GTF2I: variants seen among roughly 807,000 people sequenced by gnomAD.
GTF2I encodes the protein general transcription factor IIi, also known as general transcription factor II-I.
In GTF2I, 12 loss-of-function variants were observed where a neutral mutation model predicts 67.6. The ratio of observed to expected loss-of-function variants is 0.18; its 90% confidence interval spans 0.11 to 0.29. The LOEUF (loss-of-function observed/expected upper bound fraction) is 0.29. Ranked by LOEUF, GTF2I falls within the 10% of genes least tolerant of loss-of-function variation. The pLI is 1.00. For synonymous variants in GTF2I, 149 were observed against 197.0 expected, an observed-to-expected ratio of 0.76 and a Z score of 2.04; for missense variants, 271 against 580.1, an observed-to-expected ratio of 0.47 and a Z score of 5.47.
intron 6 of GTF2I, among the ~76,000 whole-genome samples, chr7:74,703,102 T>C (rs1331449244): frequency 6.6e-6 from 1 of 152,148 alleles, no homozygotes. Flanking sequence ...CATTTAAAAA[T>C]TGGGTTTGTT....
intron 10 of GTF2I, 60 bp from the exon 11 acceptor site, chr7:74,716,834 C>G (rs1792325132): frequency 9.0e-7 from 1 of 1,114,780 alleles, no homozygotes; most frequent in Non-Finnish European, 1.3e-6. Flanking sequence ...CCTAGATTCT[C>G]TTTCATCTTT....
intron 1 of GTF2I, among the ~76,000 whole-genome samples, chr7:74,680,110 ATATATATG>A (rs1363940115): frequency 2.4e-5 from 3 of 124,694 alleles, no homozygotes; most frequent in African/African-American, 9.8e-5. Flanking sequence ...ATATATATAT[ATATATATG>A]TATGTATGTA....
intron 12 of GTF2I, among the ~76,000 whole-genome samples, chr7:74,720,193 A>C (rs1554404301): frequency 1.3e-5 from 2 of 152,218 alleles, no homozygotes; most frequent in African/African-American, 4.8e-5. Context: ...TTAAAATATT[A>C]CATATTCCAT....
At chr7:74,698,750 A>G (rs1378854172) in intron 3 of GTF2I, among the ~76,000 whole-genome samples, 4 of 152,082 alleles carry the variant, frequency 2.6e-5, no homozygotes, top group Non-Finnish European at 4.4e-5. Context: ...ATGACTTGCT[A>G]TTTTGTTACA....
chr7:74,711,146 T>C, intron 9 of GTF2I, 37 bp downstream of exon 9: 1 of 897,818 alleles, frequency 1.1e-6, no homozygotes, highest in Non-Finnish European at 1.7e-6. Flanking sequence ...TTCTAAAAAT[T>C]ATTCGTGGTT....
rs79676547 is a variant in GTF2I at position 74,719,122 on chromosome 7, T to C, written c.943+181T>C. On this transcript the variant is annotated intron_variant, in intron 12 of 34. Coordinates refer to ENST00000573035, the MANE Select transcript of GTF2I (RefSeq NM_032999.4). ...GCTTTGGGAGTTTTAGATGACAGAA[T>C]GAGGCCGTGAGAATTAGCATTGGCC... 4.0e-4 allele frequency among the ~76,000 whole-genome samples: 61 copies of C among 152,324 alleles called. No homozygotes were observed. In the East Asian group the frequency reaches 0.011, roughly 28 times the overall value.
At chr7:74,671,215 T>A (rs1289494047) in intron 1 of GTF2I, among the ~76,000 whole-genome samples, 2 of 149,858 alleles carry the variant, frequency 1.3e-5, no homozygotes, top group Non-Finnish European at 3.0e-5. Flanking sequence ...GCCTCCCGAG[T>A]AGCTGAGATT....
chr7:74,658,251 C>T (rs1468190672), intron 1 of GTF2I, among the ~76,000 whole-genome samples, 183 bp downstream of exon 1: 1 of 149,980 alleles, frequency 6.7e-6, no homozygotes, highest in Non-Finnish European at 1.5e-5. Flanking sequence ...CCTACCCCCA[C>T]CCCCACCGCC....
At chr7:74,667,004 G>C (rs1805041587) in intron 1 of GTF2I, among the ~76,000 whole-genome samples, 1 of 151,696 alleles carries the variant, frequency 6.6e-6, no homozygotes. Context: ...AATTAGCTAG[G>C]CGTGGTGGTG....
chr7:74,662,382 G>A (rs1186882622), intron 1 of GTF2I, among the ~76,000 whole-genome samples: 4 of 150,706 alleles, frequency 2.7e-5, no homozygotes, highest in African/African-American at 7.3e-5. Context: ...GGCTAACTTT[G>A]TATTTTTAGT....
At chr7:74,715,797 T>C (rs1036292475) in intron 10 of GTF2I, among the ~76,000 whole-genome samples, 19 of 151,990 alleles carry the variant, frequency 1.3e-4, no homozygotes, top group Admixed American at 5.9e-4. Flanking sequence ...TGGAAAAGAA[T>C]CCCCAGATAA....
At chr7:74,712,936 A>T (rs1554402904) in intron 9 of GTF2I, among the ~76,000 whole-genome samples, 1 of 152,086 alleles carries the variant, frequency 6.6e-6, no homozygotes, top group Non-Finnish European at 1.5e-5. Context: ...GCTTGGATAT[A>T]TTTCTCTGTG....
intron 3 of GTF2I, among the ~76,000 whole-genome samples, chr7:74,696,669 T>A (rs1290326774): frequency 6.6e-6 from 1 of 151,810 alleles, no homozygotes; most frequent in Non-Finnish European, 1.5e-5. Context: ...ATTTTTTGTA[T>A]TTTTTAGTAG....
At chr7:74,705,707 A>G (rs1053687165) in intron 7 of GTF2I, among the ~76,000 whole-genome samples, 1 of 151,958 alleles carries the variant, frequency 6.6e-6, no homozygotes, top group Non-Finnish European at 1.5e-5. Flanking sequence ...GACTACAAGC[A>G]TGTGCCACCA....
In GTF2I at chr7:74,658,503, G is replaced by A. The variant is rs587645074; in HGVS notation, c.-6+435G>A. 1.9e-3 allele frequency among the ~76,000 whole-genome samples: 279 copies of A among 148,438 alleles called. 2 individuals are homozygous for A. The highest frequency in any genetic ancestry group is 2.8e-3 in the Non-Finnish European group (184 of 66,714). On this transcript the variant is annotated intron_variant, in intron 1 of 34. Transcript: ENST00000573035. ...CCCCGCCGCGCTGATTGGCCGGCTA[G>A]GCGGTGCGGGGGCGCGCGCGGTGCC...
intron 6 of GTF2I, among the ~76,000 whole-genome samples, chr7:74,704,039 T>G (rs917786262): frequency 6.6e-6 from 1 of 152,178 alleles, no homozygotes; most frequent in African/African-American, 2.4e-5. Context: ...GCAATCTAAG[T>G]GCCTCTTATT....
At chr7:74,725,934 T>A (rs1216278521) in intron 12 of GTF2I, among the ~76,000 whole-genome samples, 6 of 152,062 alleles carry the variant, frequency 3.9e-5, no homozygotes, top group African/African-American at 1.4e-4. Context: ...AATGTTTGTG[T>A]GACTGAAAAA....
Position 74,657,729 on chromosome 7 carries a change from T to A in GTF2I, c.-345T>A, listed in dbSNP as rs1419538729. 1 of 136,596 alleles carries A rather than the reference T, an allele frequency of 7.3e-6. No homozygotes were observed. The highest frequency in any genetic ancestry group is 2.7e-5 in the African/African-American group (1 of 36,484). 8.5% of individuals were successfully genotyped at this position (136,596 alleles called of 1,614,324 possible). A position where few individuals can be genotyped will look rare whatever the true frequency, so the allele number is the denominator to read the frequency against. ...AGGAGGAGGAGGGTGAGAGAGAAGC[T>A]GGGAGAGCAGAGAAAAGGGGCCACC... On this transcript the variant is annotated 5_prime_UTR_variant, in exon 1 of 35. Transcript: ENST00000573035.
intron 1 of GTF2I, among the ~76,000 whole-genome samples, chr7:74,681,751 A>C (rs1787292617): frequency 6.6e-6 from 1 of 152,146 alleles, no homozygotes; most frequent in Non-Finnish European, 1.5e-5. Flanking sequence ...GTCTCTACTA[A>C]AAATACAAAA....
Sources: allele counts gnomAD v4.1 joint callset (sites outside exome capture counted in the v4.1 genomes callset), GRCh38; gene constraint gnomAD v4.1.1; transcripts MANE v1.5; gene names NCBI Gene and HGNC (gene_info 2026-07-23, HGNC 2026-07-21).